SLC24A3: variants seen among roughly 807,000 people sequenced by gnomAD.
The protein encoded by SLC24A3 is sodium/potassium/calcium exchanger 3.
A neutral mutation model predicts 75.8 loss-of-function variants in SLC24A3; 28 were observed. The observed-to-expected ratio is 0.37, with a 90% confidence interval of 0.27 to 0.51. The LOEUF (loss-of-function observed/expected upper bound fraction) is 0.51, where lower values mean the gene tolerates loss of function less well. SLC24A3 is among the 20% of genes least tolerant of loss of function. The pLI, the probability that SLC24A3 is intolerant of heterozygous loss-of-function variation, is 0.94. For synonymous variants in SLC24A3, 372 were observed against 334.1 expected, an observed-to-expected ratio of 1.11 and a Z score of -1.24; for missense variants, 663 against 847.8, an observed-to-expected ratio of 0.78 and a Z score of 2.71.
chr20:19,426,063 C>T (rs567484883), intron 2 of SLC24A3, among the ~76,000 whole-genome samples: 66 of 152,306 alleles, frequency 4.3e-4, no homozygotes, highest in African/African-American at 1.4e-3. Context: ...ACCGAAATAT[C>T]GCTGCTTCTA....
chr20:19,672,487 C>T (rs1319549734), intron 8 of SLC24A3, among the ~76,000 whole-genome samples: 1 of 152,048 alleles, frequency 6.6e-6, no homozygotes, highest in Non-Finnish European at 1.5e-5. Flanking sequence ...AGGGGCACAC[C>T]ACCATACCTG....
chr20:19,356,311 A>T (rs1428833029), intron 2 of SLC24A3, among the ~76,000 whole-genome samples: 1 of 152,222 alleles, frequency 6.6e-6, no homozygotes, highest in Non-Finnish European at 1.5e-5. Flanking sequence ...TCCCAAGGGC[A>T]ACTACTAACT....
At position 19,470,056 on chromosome 20, in the gene SLC24A3, G is replaced by T. The variant is rs1987842050; in HGVS notation, c.272-45432G>T. Among the ~76,000 whole-genome samples the T allele has an allele frequency of 2.6e-5, 4 of 152,168 alleles. No individual in the cohort carries two copies. In the South Asian group the frequency reaches 8.3e-4, roughly 32 times the overall value. The stretch of plus-strand genomic sequence containing the variant: ...AGCTCAGGTCGTTCCCACAGTTTTA[G>T]GACTGTGCACAAGTGTGTGAAGATG... On this transcript the variant is annotated intron_variant, in intron 2 of 16. Coordinates refer to ENST00000328041, the MANE Select transcript of SLC24A3 (RefSeq NM_020689.4).
At chr20:19,268,530 C>G (rs910712229) in intron 1 of SLC24A3, among the ~76,000 whole-genome samples, 31 of 152,240 alleles carry the variant, frequency 2.0e-4, no homozygotes, top group African/African-American at 6.5e-4. Flanking sequence ...TTTTAATATC[C>G]AGATGTGGTA....
intron 6 of SLC24A3, among the ~76,000 whole-genome samples, chr20:19,598,067 C>G (rs917455154): frequency 2.0e-5 from 3 of 152,184 alleles, no homozygotes; most frequent in African/African-American, 7.2e-5. Flanking sequence ...AGTTTGCAAT[C>G]TTAAAATGGA....
chr20:19,280,257 A>G (rs955990569), intron 1 of SLC24A3, among the ~76,000 whole-genome samples: 9 of 151,880 alleles, frequency 5.9e-5, no homozygotes, highest in African/African-American at 2.2e-4. Flanking sequence ...CTCCCAACCT[A>G]CTGTTTCCTA....
At chr20:19,478,363 C>T (rs1987996920) in intron 2 of SLC24A3, among the ~76,000 whole-genome samples, 1 of 152,312 alleles carries the variant, frequency 6.6e-6, no homozygotes, top group South Asian at 2.1e-4. Flanking sequence ...AAAATGTTTG[C>T]TGCTCTTGTT....
chr20:19,299,918 G>A (rs1441514814), intron 2 of SLC24A3, among the ~76,000 whole-genome samples: 1 of 152,148 alleles, frequency 6.6e-6, no homozygotes, highest in East Asian at 1.9e-4. Context: ...TATGTTTAAA[G>A]CCAGGAACGC....
At chr20:19,558,965 G>A (rs984803677) in intron 3 of SLC24A3, among the ~76,000 whole-genome samples, 1 of 151,982 alleles carries the variant, frequency 6.6e-6, no homozygotes, top group African/African-American at 2.4e-5. Flanking sequence ...AATAGTTAGT[G>A]TCTACAGATT....
intron 2 of SLC24A3, among the ~76,000 whole-genome samples, chr20:19,437,777 T>C (rs568152543): frequency 6.6e-6 from 1 of 152,302 alleles, no homozygotes; most frequent in African/African-American, 2.4e-5. Context: ...AGGGAGCTCC[T>C]GTGCTCCTCA....
chr20:19,582,373 T>C (rs929933171), intron 4 of SLC24A3, among the ~76,000 whole-genome samples: 6 of 152,248 alleles, frequency 3.9e-5, no homozygotes, highest in African/African-American at 1.4e-4. Context: ...CCAGCTTTTG[T>C]GAAAGATGAG....
At chr20:19,632,440 G>C (rs2031945964) in intron 6 of SLC24A3, among the ~76,000 whole-genome samples, 1 of 152,018 alleles carries the variant, frequency 6.6e-6, no homozygotes, top group South Asian at 2.1e-4. Context: ...CCTCTTCCTT[G>C]TATCACTCCA....
At chr20:19,311,742 C>T (rs1049806372) in intron 2 of SLC24A3, among the ~76,000 whole-genome samples, 2 of 152,080 alleles carry the variant, frequency 1.3e-5, no homozygotes, top group East Asian at 3.9e-4. Flanking sequence ...TTAGTAACAA[C>T]AGTATGCAGC....
rs74383789 is a variant in SLC24A3 at position 19,247,435 on chromosome 20, A to G, written c.143-33524A>G. 1.9e-3 allele frequency among the ~76,000 whole-genome samples: 287 copies of G among 152,338 alleles called. 2 individuals are homozygous for G. Among genetic ancestry groups the G allele is most frequent in the African/African-American group, 6.2e-3 (259 of 41,592 alleles). On this transcript the variant is annotated intron_variant, in intron 1 of 16. Transcript: ENST00000328041. ...TGTCTTCCACTCTTTTTAGTGATCT[A>G]TGACTTTCTCAGAAAACTCTTTTGG...
intron 2 of SLC24A3, among the ~76,000 whole-genome samples, chr20:19,357,086 G>A (rs1985699858): frequency 6.6e-6 from 1 of 152,034 alleles, no homozygotes; most frequent in Non-Finnish European, 1.5e-5. Context: ...ATCTGGGTGG[G>A]CCCTAAATGT....
Position 19,223,477 on chromosome 20 carries a change from T to C in SLC24A3, c.142+10493T>C, listed in dbSNP as rs1600381379. Among the ~76,000 whole-genome samples, 3 of 152,308 alleles carry C rather than the reference T, an allele frequency of 2.0e-5. No homozygotes were observed. The Middle Eastern group carries it at 0.01, about 518-fold the overall frequency. On this transcript the variant is annotated intron_variant, in intron 1 of 16. Transcript: ENST00000328041. ...GTAGTCCCTCAGTATCCATGGAGGATATGTTTCAAGACCTCCCAGTGAATG... is the reference window on the plus strand; with the variant it reads ...GTAGTCCCTCAGTATCCATGGAGGACATGTTTCAAGACCTCCCAGTGAATG...
At chr20:19,456,258 T>C (rs1397854991) in intron 2 of SLC24A3, among the ~76,000 whole-genome samples, 1 of 152,234 alleles carries the variant, frequency 6.6e-6, no homozygotes, top group Admixed American at 6.5e-5. Context: ...GGTTTGGCTA[T>C]GTCTCCACCA....
At chr20:19,545,064 G>A (rs1404647145) in intron 3 of SLC24A3, among the ~76,000 whole-genome samples, 2 of 152,318 alleles carry the variant, frequency 1.3e-5, no homozygotes, top group African/African-American at 4.8e-5. Flanking sequence ...TAGATCACAC[G>A]GGGTTTAAAA....
At chr20:19,278,327 G>A (rs76055994) in intron 1 of SLC24A3, among the ~76,000 whole-genome samples, 3,411 of 152,244 alleles carry the variant, frequency 0.022, 144 homozygotes, top group African/African-American at 0.077. Context: ...CTGACTTAAA[G>A]TGCACCTACT....
Sources: gnomAD v4.1 joint callset for allele counts (sites outside exome capture counted in the v4.1 genomes callset) on GRCh38, gnomAD v4.1.1 for gene constraint, MANE v1.5 for transcripts, NCBI Gene and HGNC (gene_info 2026-07-23, HGNC 2026-07-21) for gene names.